The following SIAH3 variants were observed in gnomAD, a reference collection of about 807,000 sequenced individuals.
SIAH3 encodes the protein siah E3 ubiquitin protein ligase family member 3.
Under a neutral mutation model 12.6 loss-of-function variants are expected in SIAH3, and 9 were observed. That is an observed-to-expected ratio of 0.72 (90% CI 0.43 to 1.25). SIAH3 has a LOEUF of 1.25. Ranked by LOEUF, SIAH3 falls within the 50% of genes most tolerant of loss-of-function variation. The probability of loss-of-function intolerance (pLI) is 0.00; values close to 1 mark genes in which losing one functional copy is unlikely to be tolerated. For missense variants in SIAH3, 390 were observed against 365.4 expected (o/e 1.07, Z -0.55); for synonymous variants, 154 against 151.1 (o/e 1.02, Z -0.14).
intron 1 of SIAH3, among the ~76,000 whole-genome samples, chr13:45,796,547 AGG>A (rs1298126502): frequency 6.6e-6 from 1 of 152,328 alleles, no homozygotes; most frequent in East Asian, 1.9e-4. Flanking sequence ...TGACACTCCC[AGG>A]GAGACGCAGG....
chr13:45,851,389 A>T (rs1950781189), intron 1 of SIAH3, 106 bp downstream of exon 1: 1 of 1,470,092 alleles, frequency 6.8e-7, no homozygotes, highest in African/African-American at 1.4e-5. Context: ...AGCCCCCGAG[A>T]CCCGGGTTTG....
chr13:45,840,203 A>G (rs186971915), intron 1 of SIAH3, among the ~76,000 whole-genome samples: 1 of 152,164 alleles, frequency 6.6e-6, no homozygotes, highest in African/African-American at 2.4e-5. Flanking sequence ...GATTGCAGTG[A>G]GTTGAGATCG....
At chr13:45,801,373 T>A (rs1224787288) in intron 1 of SIAH3, among the ~76,000 whole-genome samples, 1 of 152,144 alleles carries the variant, frequency 6.6e-6, no homozygotes, top group Non-Finnish European at 1.5e-5. Context: ...AGGGAGGAGC[T>A]GTGCTTTCCA....
At chr13:45,804,569 A>G (rs1186006909) in intron 1 of SIAH3, among the ~76,000 whole-genome samples, 1 of 152,182 alleles carries the variant, frequency 6.6e-6, no homozygotes, top group African/African-American at 2.4e-5. Context: ...TGATAACTCA[A>G]AATATTAAAA....
Position 45,826,633 on chromosome 13 carries a change from G to A in SIAH3, c.135+24862C>T, listed in dbSNP as rs559338623. On this transcript the variant is annotated intron_variant, in intron 1 of 1. Transcript: ENST00000400405. ...GTTCATGTTGCAGCCTTCATCACAT[G>A]TTAATAGCTCAATCCTAGCATAGTG... is the stretch of plus-strand genomic sequence containing the variant. Among the ~76,000 whole-genome samples the A allele has an allele frequency of 1.4e-4, 21 of 152,262 alleles. No homozygotes were observed. In the East Asian group the frequency reaches 4.0e-3, roughly 29 times the overall value.
At chr13:45,826,991 C>T (rs917221224) in intron 1 of SIAH3, among the ~76,000 whole-genome samples, 5 of 152,150 alleles carry the variant, frequency 3.3e-5, no homozygotes, top group South Asian at 2.1e-4. Flanking sequence ...ACAGTTTTAA[C>T]GGCCTGCCCA....
At chr13:45,846,540 A>G (rs1482927863) in intron 1 of SIAH3, among the ~76,000 whole-genome samples, 1 of 152,222 alleles carries the variant, frequency 6.6e-6, no homozygotes, top group Non-Finnish European at 1.5e-5. Flanking sequence ...TGCTAAGGGT[A>G]AAATACCCCC....
intron 1 of SIAH3, among the ~76,000 whole-genome samples, chr13:45,786,504 G>T (rs1950528328): frequency 6.6e-6 from 1 of 152,166 alleles, no homozygotes; most frequent in Non-Finnish European, 1.5e-5. Flanking sequence ...AAGTTCACAG[G>T]CTGGAGGTCG....
intron 1 of SIAH3, among the ~76,000 whole-genome samples, chr13:45,809,694 A>G (rs1950610079): frequency 6.6e-6 from 1 of 152,250 alleles, no homozygotes; most frequent in Admixed American, 6.5e-5. Context: ...CTTTTATAAA[A>G]AATACAATCA....
intron 1 of SIAH3, among the ~76,000 whole-genome samples, chr13:45,829,105 T>G (rs1950689508): frequency 6.6e-6 from 1 of 152,232 alleles, no homozygotes. Context: ...CACTGTGAGG[T>G]AGATGTGTTG....
intron 1 of SIAH3, among the ~76,000 whole-genome samples, chr13:45,831,716 A>G (rs1035281046): frequency 3.3e-5 from 5 of 152,196 alleles, no homozygotes; most frequent in African/African-American, 1.2e-4. Context: ...GGGAGGGGAC[A>G]TGAGAAAGAA....
chr13:45,819,891 A>G (rs1950649246), intron 1 of SIAH3, among the ~76,000 whole-genome samples: 2 of 152,232 alleles, frequency 1.3e-5, no homozygotes, highest in African/African-American at 2.4e-5. Flanking sequence ...AAGAACAGAA[A>G]GGGGTTCCTC....
intron 1 of SIAH3, among the ~76,000 whole-genome samples, chr13:45,818,723 T>C (rs926214159): frequency 6.6e-6 from 1 of 152,256 alleles, no homozygotes. Flanking sequence ...AGAGCGATTG[T>C]GATGGCATTT....
chr13:45,850,173 T>C (rs192966131), intron 1 of SIAH3, among the ~76,000 whole-genome samples: 4 of 152,272 alleles, frequency 2.6e-5, no homozygotes, highest in East Asian at 1.9e-4. Context: ...AGATGCACCA[T>C]AGGGGTCCCA....
At chr13:45,831,443 T>C (rs943383006) in intron 1 of SIAH3, among the ~76,000 whole-genome samples, 38 of 152,282 alleles carry the variant, frequency 2.5e-4, no homozygotes, top group Non-Finnish European at 2.4e-4. Flanking sequence ...GGCACTGATA[T>C]GGAGTAGAAG....
chr13:45,794,716 G>A (rs531186553), intron 1 of SIAH3, among the ~76,000 whole-genome samples: 1 of 152,266 alleles, frequency 6.6e-6, no homozygotes, highest in Admixed American at 6.5e-5. Flanking sequence ...GGCCTCCCCA[G>A]TCATGTGAAA....
intron 1 of SIAH3, among the ~76,000 whole-genome samples, chr13:45,802,463 TTGGATG>T (rs1397952093): frequency 1.3e-5 from 2 of 152,068 alleles, no homozygotes; most frequent in Non-Finnish European, 2.9e-5. Context: ...AGTCCTTCTT[TTGGATG>T]TGGGAATGTG....
intron 1 of SIAH3, among the ~76,000 whole-genome samples, chr13:45,819,131 C>A (rs796970979): frequency 3.3e-5 from 5 of 152,072 alleles, no homozygotes; most frequent in Non-Finnish European, 5.9e-5. Flanking sequence ...TGACCATGCA[C>A]GACACAGAGA....
intron 1 of SIAH3, among the ~76,000 whole-genome samples, chr13:45,848,582 C>T (rs1950768556): frequency 6.6e-6 from 1 of 152,190 alleles, no homozygotes; most frequent in Non-Finnish European, 1.5e-5. Flanking sequence ...GGTAAATACA[C>T]AATTTTCTTT....
Sources: gnomAD v4.1 joint callset for allele counts (sites outside exome capture counted in the v4.1 genomes callset) on GRCh38, gnomAD v4.1.1 for gene constraint, MANE v1.5 for transcripts, NCBI Gene and HGNC (gene_info 2026-07-23, HGNC 2026-07-21) for gene names.